NRG3: variants seen among roughly 807,000 people sequenced by gnomAD.
The protein encoded by NRG3 is neuregulin 3.
NRG3 carries 31 observed loss-of-function variants against 66.9 expected under a neutral mutation model. That is an observed-to-expected ratio of 0.46 (90% CI 0.35 to 0.63). NRG3 has a LOEUF of 0.63. Ranked by LOEUF, NRG3 falls within the 20% of genes least tolerant of loss-of-function variation. The pLI is 0.00. For missense variants in NRG3, 910 were observed against 878.9 expected, an observed-to-expected ratio of 1.04 and a Z score of -0.45; for synonymous variants, 393 against 359.4, an observed-to-expected ratio of 1.09 and a Z score of -1.06.
intron 3 of NRG3, among the ~76,000 whole-genome samples, chr10:82,756,420 A>G (rs1363999891): frequency 2.0e-5 from 3 of 152,118 alleles, no homozygotes; most frequent in Non-Finnish European, 4.4e-5. Flanking sequence ...GGATAAATCT[A>G]TGCTTAACAT....
At chr10:81,971,150 A>G (rs2059919197) in intron 1 of NRG3, among the ~76,000 whole-genome samples, 1 of 152,222 alleles carries the variant, frequency 6.6e-6, no homozygotes, top group South Asian at 2.1e-4. Flanking sequence ...TAAAAAGAAA[A>G]AAAGAACACA....
intron 1 of NRG3, among the ~76,000 whole-genome samples, chr10:82,020,211 A>G (rs2132736969): frequency 6.6e-6 from 1 of 152,282 alleles, no homozygotes; most frequent in Middle Eastern, 3.4e-3. Flanking sequence ...TGTCAATCAG[A>G]ACAGAGCCAA....
At chr10:82,618,158 G>T (rs187710714) in intron 2 of NRG3, among the ~76,000 whole-genome samples, 1 of 152,314 alleles carries the variant, frequency 6.6e-6, no homozygotes, top group East Asian at 1.9e-4. Context: ...TTACGAGACT[G>T]AAATTTGTCT....
chr10:82,026,480 G>A (rs1351729412), intron 1 of NRG3, among the ~76,000 whole-genome samples: 2 of 151,932 alleles, frequency 1.3e-5, no homozygotes, highest in African/African-American at 2.4e-5. Context: ...ATGATGTTTC[G>A]GGAATTGCTT....
chr10:82,571,529 C>T (rs1235311445), intron 2 of NRG3, among the ~76,000 whole-genome samples: 3 of 151,536 alleles, frequency 2.0e-5, no homozygotes, highest in Non-Finnish European at 4.4e-5. Context: ...TCCTTATCAG[C>T]CATACTACTG....
chr10:82,530,008 C>T (rs77538179), intron 2 of NRG3, among the ~76,000 whole-genome samples: 1 of 151,994 alleles, frequency 6.6e-6, no homozygotes, highest in Admixed American at 6.6e-5. Flanking sequence ...AAAGAGAAAG[C>T]CAGTTAAGGC....
At chr10:82,402,233 T>G (rs983484849) in intron 2 of NRG3, among the ~76,000 whole-genome samples, 1 of 152,014 alleles carries the variant, frequency 6.6e-6, no homozygotes, top group Non-Finnish European at 1.5e-5. Flanking sequence ...GAATAAATAG[T>G]CATAGAAATA....
chr10:82,981,517 T>C (rs1852895426), intron 8 of NRG3, among the ~76,000 whole-genome samples: 1 of 152,188 alleles, frequency 6.6e-6, no homozygotes, highest in Non-Finnish European at 1.5e-5. Context: ...TCTTTAAATC[T>C]GGCCCCAGCC....
chr10:82,939,476 T>A (rs1848388770), intron 4 of NRG3, among the ~76,000 whole-genome samples: 1 of 152,184 alleles, frequency 6.6e-6, no homozygotes, highest in African/African-American at 2.4e-5. Context: ...TTTTTGTTGT[T>A]GTTGTTGTTG....
At chr10:82,864,003 C>A (rs774003728) in intron 3 of NRG3, among the ~76,000 whole-genome samples, 2 of 152,100 alleles carry the variant, frequency 1.3e-5, no homozygotes, top group Non-Finnish European at 2.9e-5. Context: ...GAAACATTGT[C>A]ACCATCTTTC....
intron 3 of NRG3, among the ~76,000 whole-genome samples, chr10:82,744,718 T>G (rs1342052316): frequency 6.6e-6 from 1 of 152,180 alleles, no homozygotes; most frequent in Non-Finnish European, 1.5e-5. Flanking sequence ...ATTCAAAATC[T>G]TATTAATAGT....
At chr10:82,252,152 G>T (rs1370398291) in intron 1 of NRG3, among the ~76,000 whole-genome samples, 1 of 152,152 alleles carries the variant, frequency 6.6e-6, no homozygotes, top group African/African-American at 2.4e-5. Context: ...TTAATTAATT[G>T]CCTTGAAGAG....
At chr10:82,297,069 G>GAC (rs2080108398) in intron 1 of NRG3, among the ~76,000 whole-genome samples, 1 of 152,048 alleles carries the variant, frequency 6.6e-6, no homozygotes, top group Non-Finnish European at 1.5e-5. Flanking sequence ...ATTCACATAG[G>GAC]ACACTGGCCT....
chr10:82,513,935 T>C (rs1013451119), intron 2 of NRG3, among the ~76,000 whole-genome samples: 2 of 152,180 alleles, frequency 1.3e-5, no homozygotes, highest in Non-Finnish European at 2.9e-5. Flanking sequence ...TCCCTAATCA[T>C]CAATAATGTT....
At chr10:82,093,196 G>A (rs1186721386) in intron 1 of NRG3, among the ~76,000 whole-genome samples, 1 of 152,120 alleles carries the variant, frequency 6.6e-6, no homozygotes, top group Non-Finnish European at 1.5e-5. Flanking sequence ...AGGACACAAT[G>A]CCTAAACAAT....
chr10:82,290,585 C>T (rs1354400161), intron 1 of NRG3, among the ~76,000 whole-genome samples: 1 of 151,424 alleles, frequency 6.6e-6, no homozygotes, highest in Non-Finnish European at 1.5e-5. Context: ...TATTTTATAG[C>T]TGTAAATCTT....
intron 1 of NRG3, among the ~76,000 whole-genome samples, chr10:82,150,530 C>CAAAAAAAAAAAAAAAA (rs1188955647): frequency 3.7e-5 from 1 of 26,678 alleles, no homozygotes; most frequent in Admixed American, 3.4e-4. Flanking sequence ...AGAGCACACA[C>CAAAAAAAAAAAAAAAA]AAAAAAAAAA....
chr10:82,471,382 A>C (rs996808901), intron 2 of NRG3, among the ~76,000 whole-genome samples: 2 of 151,452 alleles, frequency 1.3e-5, no homozygotes, highest in African/African-American at 4.9e-5. Flanking sequence ...TGGCTGTCTC[A>C]CTCTCTGTTA....
chr10:82,421,050 C>T (rs773357223), intron 2 of NRG3, among the ~76,000 whole-genome samples: 5 of 152,196 alleles, frequency 3.3e-5, no homozygotes, highest in Non-Finnish European at 4.4e-5. Context: ...TCATCAGTAT[C>T]TGTTTGTGCT....
Sources: gnomAD v4.1 joint callset for allele counts (sites outside exome capture counted in the v4.1 genomes callset) on GRCh38, gnomAD v4.1.1 for gene constraint, MANE v1.5 for transcripts, NCBI Gene and HGNC (gene_info 2026-07-23, HGNC 2026-07-21) for gene names.